SON: variants seen among roughly 807,000 people sequenced by gnomAD.
SON encodes the protein SON DNA and RNA binding protein, also known as protein SON.
Under a neutral mutation model 173.3 loss-of-function variants are expected in SON, and 4 were observed. The observed-to-expected ratio is 0.02, with a 90% confidence interval of 0.01 to 0.05. SON has a LOEUF of 0.05. SON is among the 10% of genes least tolerant of loss of function. The pLI, the probability that SON is intolerant of heterozygous loss-of-function variation, is 1.00. For missense variants in SON, 2,626 were observed against 3,055.3 expected (o/e 0.86, Z 3.31); for synonymous variants, 1,190 against 1,105.9 (o/e 1.08, Z -1.51).
At position 33,559,147 on chromosome 21, in the gene SON, C is replaced by T; in HGVS notation, c.6322-83C>T. On this transcript the variant is annotated intron_variant, in intron 4 of 11. Coordinates refer to ENST00000356577, the MANE Select transcript of SON (RefSeq NM_138927.4). The surrounding 1 kb of genome is among the most constrained non-coding windows in gnomAD (Gnocchi z 4.1). ...AATCTTGTTTAACTTTGGAAAGTTGCTATTATGTGGTTTTGATTCTAAGAA... is the reference window on the plus strand; with the variant it reads ...AATCTTGTTTAACTTTGGAAAGTTGTTATTATGTGGTTTTGATTCTAAGAA... 9.0e-7 allele frequency: 1 copy of T among 1,105,884 alleles called. No individual in the cohort carries two copies. Among genetic ancestry groups the T allele is most frequent in the South Asian group, 1.8e-5 (1 of 54,970 alleles). The allele number at this position is 1,105,884 out of a possible 1,614,324, so 68.5% of individuals were successfully genotyped here. A position where few individuals can be genotyped will look rare whatever the true frequency, so the allele number is the denominator to read the frequency against.
Position 33,575,677 on chromosome 21 carries a change from C to T in SON, c.7105+10C>T, listed in dbSNP as rs200288082. The T allele has an allele frequency of 1.5e-3, 2,372 of 1,608,130 alleles. 5 individuals are homozygous for T. The highest frequency in any genetic ancestry group is 6.3e-3 in the Middle Eastern group (38 of 6,028). On this transcript the variant is annotated intron_variant, in intron 10 of 11. Coordinates refer to ENST00000356577, the MANE Select transcript of SON (RefSeq NM_138927.4). Reference sequence around the variant, plus strand: ...ATGAAAGATCTGTCAGGTGAGAGCACGTTTTTGAATTTCCTCTTACCCTAA... The same window carrying T: ...ATGAAAGATCTGTCAGGTGAGAGCATGTTTTTGAATTTCCTCTTACCCTAA...
At chr21:33,573,552 C>T in intron 9 of SON, 97 bp downstream of exon 9, 5 of 1,059,790 alleles carry the variant, frequency 4.7e-6, no homozygotes, top group Non-Finnish European at 6.9e-6. Context: ...GAAGGCACTT[C>T]TTGTATATAT....
chr21:33,543,591 C>CT (rs2085526051), intron 1 of SON: 1 of 237,514 alleles, frequency 4.2e-6, no homozygotes. Flanking sequence ...GAAAGGGTCT[C>CT]TAACGGCCGT....
In SON at chr21:33,551,479, A is replaced by G. The variant is rs751647930; in HGVS notation, c.2248A>G (p.Thr750Ala). The G allele has an allele frequency of 1.2e-6, 2 of 1,613,810 alleles. No individual in the cohort carries two copies. The highest frequency in any genetic ancestry group is 2.2e-5 in the East Asian group (1 of 44,852). Reference sequence around the variant, plus strand: ...GGACTCCCAGATGCTAGCATCCAACACCATGGACTCCCAGATGTTAGCGTC... The same window carrying G: ...GGACTCCCAGATGCTAGCATCCAACGCCATGGACTCCCAGATGTTAGCGTC... ...TMDSQMLASNTMDSQMLASST... is the reference protein window; with the variant it reads ...TMDSQMLASNAMDSQMLASST... The change falls in exon 3 of 12, where the codon ACC (threonine) becomes GCC (alanine). Residue 750 changes from threonine (T) to alanine (A), a missense_variant. Transcript: ENST00000356577.
At chr21:33,571,522 C>T (rs1043796265) in intron 8 of SON, among the ~76,000 whole-genome samples, 6 of 152,166 alleles carry the variant, frequency 3.9e-5, no homozygotes, top group Admixed American at 3.9e-4. Flanking sequence ...TCTCATTAAT[C>T]AGTAAAACAT....
In SON at chr21:33,574,862, T is replaced by A. The variant is rs558563951; in HGVS notation, c.7034-734T>A. ...AGGTTATGTTCATATTTTGAGAACA[T>A]CTCCCATTTGTTAGGAAGGGAGAGG... On this transcript the variant is annotated intron_variant, in intron 9 of 11. Transcript: ENST00000356577. Among the ~76,000 whole-genome samples the A allele has an allele frequency of 1.4e-4, 22 of 152,236 alleles. No individual in the cohort carries two copies. The East Asian group carries it at 2.1e-3, about 15-fold the overall frequency.
rs573506559 is a variant in SON at position 33,554,339 on chromosome 21, G to A, written c.5108G>A (p.Gly1703Glu). 1 of 1,614,150 alleles carries A rather than the reference G, an allele frequency of 6.2e-7. No individual in the cohort carries two copies. The highest frequency in any genetic ancestry group is 1.1e-5 in the South Asian group (1 of 91,090). The change falls in exon 3 of 12, where the codon GGA becomes GAA. Residue 1703 changes from glycine to glutamate, a missense_variant. By Grantham distance (98) the Gly-to-Glu change is moderately conservative. Coordinates refer to ENST00000356577, the MANE Select transcript of SON (RefSeq NM_138927.4). The stretch of plus-strand genomic sequence containing the variant: ...CTGCTCAGCCCTAAAGAAAGTAGTG[G>A]AGGAGAAAAAGAAGTACCTCCCCCT... ...AALLSPKESS[G>E]GEKEVPPPPK...
chr21:33,551,884 A>T lies in SON; in HGVS notation c.2653A>T (p.Met885Leu). Residue 885 changes from methionine (M) to leucine (L), a missense_variant, in exon 3 of 12, where the codon ATG becomes TTG. Met to Leu is a conservative substitution (Grantham distance 15). Around this residue, in one of 13 missense-constraint regions of SON, gnomAD observed 366 missense variants for 448.6 expected, o/e 0.82. Coordinates refer to ENST00000356577, the MANE Select transcript of SON (RefSeq NM_138927.4). ...AGCTTCTGGCACCATGGATGCTCAG[A>T]TGTTAGCGTCTGGTACCATGGATGC... ...MLASGTMDAQ[M>L]LASGTMDAQM... The T allele has an allele frequency of 6.2e-7, 1 of 1,614,052 alleles. No homozygotes were observed. The highest frequency in any genetic ancestry group is 8.5e-7 in the Non-Finnish European group (1 of 1,179,992).
At position 33,554,014 on chromosome 21, in the gene SON, T is replaced by C. The variant is rs746252717; in HGVS notation, c.4783T>C (p.Ser1595Pro). The C allele has an allele frequency of 1.1e-4, 172 of 1,614,038 alleles. No individual in the cohort carries two copies. The highest frequency in any genetic ancestry group is 1.4e-4 in the Non-Finnish European group (166 of 1,180,016). The change falls in exon 3 of 12, where the codon TCT becomes CCT. Residue 1595 changes from serine (S) to proline (P), a missense_variant. Physicochemically the swap from Ser to Pro is moderately conservative, Grantham distance 74. Around this residue, in one of 13 missense-constraint regions of SON, gnomAD observed 1,006 missense variants for 895.6 expected, o/e 1.12. Transcript: ENST00000356577. ...SEADAGETLS[S>P]TGPFALEPDA... The stretch of plus-strand genomic sequence containing the variant: ...AGCTGATGCAGGAGAAACTCTATCT[T>C]CTACTGGTCCTTTTGCTCTGGAACC...
chr21:33,576,971 G>A lies in SON; in HGVS notation c.*547G>A, dbSNP rs1383310159. 5 of 193,424 alleles carry A rather than the reference G, an allele frequency of 2.6e-5. No homozygotes were observed. The highest frequency in any genetic ancestry group is 2.1e-4 in the Admixed American group (4 of 19,070). 12.0% of individuals were successfully genotyped at this position (193,424 alleles called of 1,614,324 possible). On this transcript the variant is annotated 3_prime_UTR_variant, in exon 12 of 12. Coordinates refer to ENST00000356577, the MANE Select transcript of SON (RefSeq NM_138927.4). ...TGCACCTTGTACTATTTCACAATGG[G>A]TTCTGCTGGACAGATAATGGGCCAG...
At position 33,551,029 on chromosome 21, in the gene SON, C is replaced by A; in HGVS notation, c.1798C>A (p.Leu600Ile). The change falls in exon 3 of 12, where the codon CTC becomes ATC. Residue 600 changes from leucine (L) to isoleucine (I), a missense_variant. Leu to Ile is a conservative substitution (Grantham distance 5). This residue lies in a region of SON where 757 missense variants were observed against 730.1 expected (regional missense o/e 1.04). Coordinates refer to ENST00000356577, the MANE Select transcript of SON (RefSeq NM_138927.4). ...ATGALELPGP[L>I]MAAGALEFSG... Reference sequence around the variant, plus strand: ...TGGGGCACTAGAGTTGCCTGGGCCGCTCATGGCAGCTGGGGCACTGGAGTT... The same window carrying A: ...TGGGGCACTAGAGTTGCCTGGGCCGATCATGGCAGCTGGGGCACTGGAGTT... The A allele has an allele frequency of 6.2e-7, 1 of 1,610,994 alleles. No individual in the cohort carries two copies. Among genetic ancestry groups the A allele is most frequent in the Non-Finnish European group, 8.5e-7 (1 of 1,178,568 alleles).
intron 3 of SON, 148 bp from the exon 4 acceptor site, chr21:33,557,008 T>C: frequency 1.5e-6 from 1 of 657,208 alleles, no homozygotes; most frequent in Admixed American, 3.5e-5. Context: ...GCCTATAGTT[T>C]TTTCCTTTTT....
At chr21:33,557,937 G>T in intron 4 of SON, 2 of 188,360 alleles carry the variant, frequency 1.1e-5, no homozygotes, top group South Asian at 1.1e-4. Flanking sequence ...TTCAATTGAG[G>T]CTTTTTTGGG....
At position 33,553,643 on chromosome 21, in the gene SON, C is replaced by T; in HGVS notation, c.4412C>T (p.Pro1471Leu). 1.2e-6 allele frequency: 2 copies of T among 1,613,540 alleles called. No homozygotes were observed. The highest frequency in any genetic ancestry group is 1.7e-6 in the Non-Finnish European group (2 of 1,179,644). ...ACTGAGGTGGCTATAGAGTCCACACCAATGATACTGGAATCTAGTATCATG... is the reference window on the plus strand; with the variant it reads ...ACTGAGGTGGCTATAGAGTCCACACTAATGATACTGGAATCTAGTATCATG... ...IPTEVAIEST[P>L]MILESSIMSS... The change falls in exon 3 of 12, where the codon CCA (proline) becomes CTA (leucine). Residue 1471 changes from proline to leucine, a missense_variant. By Grantham distance (98) the Pro-to-Leu change is moderately conservative. Coordinates refer to ENST00000356577, the MANE Select transcript of SON (RefSeq NM_138927.4).
At chr21:33,548,093 T>G (rs2085665653) in intron 2 of SON, among the ~76,000 whole-genome samples, 1 of 150,994 alleles carries the variant, frequency 6.6e-6, no homozygotes, top group Non-Finnish European at 1.5e-5. Context: ...TTATCTAATT[T>G]GATATTGGCA....
intron 6 of SON, among the ~76,000 whole-genome samples, chr21:33,565,134 G>A (rs1329180251): frequency 6.6e-6 from 1 of 152,232 alleles, no homozygotes; most frequent in African/African-American, 2.4e-5. Flanking sequence ...TTTAATAAAG[G>A]CTAAGAGAGA....
chr21:33,575,582 A>G lies in SON; in HGVS notation c.7034-14A>G, dbSNP rs368780326. The G allele has an allele frequency of 3.8e-6, 6 of 1,582,048 alleles. No individual in the cohort carries two copies. Among genetic ancestry groups the G allele is most frequent in the South Asian group, 2.3e-5 (2 of 87,574 alleles). ...TGCTTTGAAATTTATTTAGTGAACA[A>G]TTTTTTTTTAAAGGTCTTGTTGCAG... is the stretch of plus-strand genomic sequence containing the variant. On this transcript the variant is annotated splice_polypyrimidine_tract_variant and intron_variant, in intron 9 of 11. Coordinates refer to ENST00000356577, the MANE Select transcript of SON (RefSeq NM_138927.4).
intron 2 of SON, among the ~76,000 whole-genome samples, chr21:33,547,441 T>G (rs1001768668): frequency 6.6e-6 from 1 of 152,188 alleles, no homozygotes; most frequent in Non-Finnish European, 1.5e-5. Flanking sequence ...AATGAAGGAT[T>G]TAGCCACAAA....
chr21:33,552,341 A>G lies in SON; in HGVS notation c.3110A>G (p.Tyr1037Cys), dbSNP rs747012971. The change falls in exon 3 of 12, where the codon TAC (tyrosine) becomes TGC (cysteine). Residue 1037 changes from tyrosine (Y) to cysteine (C), a missense_variant. Coordinates refer to ENST00000356577, the MANE Select transcript of SON (RefSeq NM_138927.4). This position sits in a 1 kb window ranked among gnomAD's most constrained non-coding sequence, Gnocchi z 5.6. ...GCTGAACGCTCTATGATGTCAGCCTACGAGCGCTCTATGATGTCAGCCTAC... is the reference window on the plus strand; with the variant it reads ...GCTGAACGCTCTATGATGTCAGCCTGCGAGCGCTCTATGATGTCAGCCTAC... ...PMAERSMMSA[Y>C]ERSMMSAYER... 1.2e-6 allele frequency: 2 copies of G among 1,613,274 alleles called. No homozygotes were observed. Among genetic ancestry groups the G allele is most frequent in the Non-Finnish European group, 1.7e-6 (2 of 1,179,492 alleles).
Sources: gnomAD v4.1 joint callset for allele counts (sites outside exome capture counted in the v4.1 genomes callset) on GRCh38, gnomAD v4.1.1 for gene constraint, gnomAD v4.1.1 regional missense constraint, Gnocchi (gnomAD v3.1) non-coding constraint, MANE v1.5 for transcripts, NCBI Gene and HGNC (gene_info 2026-07-23, HGNC 2026-07-21) for gene names.